The following CATSPERB variants were observed in gnomAD, a reference collection of about 807,000 sequenced individuals.
The protein encoded by CATSPERB is catsper channel auxiliary subunit beta.
A neutral mutation model predicts 128.3 loss-of-function variants in CATSPERB; 93 were observed. The ratio of observed to expected loss-of-function variants is 0.72; its 90% CI spans 0.61 to 0.86. The LOEUF (loss-of-function observed/expected upper bound fraction) is 0.86. Ranked by LOEUF, CATSPERB falls within the 40% of genes least tolerant of loss-of-function variation. The pLI is 0.00. For synonymous variants in CATSPERB, 381 were observed against 448.8 expected, an observed-to-expected ratio of 0.85 and a Z score of 1.91; for missense variants, 1,153 against 1,329.5, an observed-to-expected ratio of 0.87 and a Z score of 2.06.
intron 14 of CATSPERB, among the ~76,000 whole-genome samples, chr14:91,668,723 C>T (rs1895032891): frequency 6.6e-6 from 1 of 151,584 alleles, no homozygotes; most frequent in African/African-American, 2.4e-5. Context: ...CCGGGAGGAA[C>T]AAACAACTCT....
chr14:91,699,317 A>G (rs1256784029), intron 7 of CATSPERB, among the ~76,000 whole-genome samples: 1 of 152,148 alleles, frequency 6.6e-6, no homozygotes, highest in Non-Finnish European at 1.5e-5. Flanking sequence ...TTACATTCCA[A>G]CCAGCAGTGT....
In CATSPERB at chr14:91,587,267, G is replaced by A. The variant is rs1479052104; in HGVS notation, c.3067C>T (p.Leu1023Phe). 6.2e-7 allele frequency: 1 copy of A among 1,604,706 alleles called. No homozygotes were observed. Among genetic ancestry groups the A allele is most frequent in the Non-Finnish European group, 8.5e-7 (1 of 1,176,658 alleles). Reference protein sequence around the residue: ...GLNLSIKGSELFHFRVTVISG... With the variant: ...GLNLSIKGSEFFHFRVTVISG... The stretch of plus-strand genomic sequence containing the variant: ...ATGACGGTCACTCTAAAGTGGAAAA[G>A]TTCAGAGCCCTGTGGAAAAAAGCAC... Residue 1023 changes from leucine (L) to phenylalanine (F), a missense_variant, in exon 26 of 27, where the codon CTT (leucine) becomes TTT (phenylalanine). Leu to Phe is a conservative substitution (Grantham distance 22, BLOSUM62 0). Transcript: ENST00000256343.
chr14:91,586,220 C>G (rs911767187), intron 26 of CATSPERB, among the ~76,000 whole-genome samples: 1 of 152,184 alleles, frequency 6.6e-6, no homozygotes, highest in Non-Finnish European at 1.5e-5. Flanking sequence ...GATGTCCCCC[C>G]ATGCTTTCCA....
chr14:91,723,424 T>C (rs1241361278), intron 3 of CATSPERB, among the ~76,000 whole-genome samples: 2 of 152,158 alleles, frequency 1.3e-5, no homozygotes, highest in South Asian at 2.1e-4. Flanking sequence ...GTAGTAAACA[T>C]AGACTCAAAG....
chr14:91,695,166 G>A (rs1895541280), intron 7 of CATSPERB, among the ~76,000 whole-genome samples: 1 of 141,314 alleles, frequency 7.1e-6, no homozygotes, highest in African/African-American at 2.7e-5. Flanking sequence ...GTCTCACTCC[G>A]TCATCCAGGC....
chr14:91,606,726 T>C (rs545542570), intron 22 of CATSPERB, among the ~76,000 whole-genome samples: 1 of 152,354 alleles, frequency 6.6e-6, no homozygotes, highest in Admixed American at 6.5e-5. Context: ...CTACCATGCT[T>C]ATCTTGTGCA....
In CATSPERB at chr14:91,587,982, A is replaced by G; in HGVS notation, c.3053T>C (p.Ile1018Thr). 1 of 1,592,676 alleles carries G rather than the reference A, an allele frequency of 6.3e-7. No homozygotes were observed. Among genetic ancestry groups the G allele is most frequent in the Non-Finnish European group, 8.6e-7 (1 of 1,161,800 alleles). The change falls in exon 25 of 27, where the codon ATA (isoleucine) becomes ACA (threonine). Residue 1018 changes from isoleucine to threonine, a missense_variant. Ile to Thr is a moderately conservative substitution (Grantham distance 89, BLOSUM62 -1). Transcript: ENST00000256343. ...AAACAACAATGCCATCATTACCTTT[A>G]TGCTTAAGTTGAGACCTGAAGGATT... ...VYNPSGLNLS[I>T]KGSELFHFRV...
intron 22 of CATSPERB, 96 bp from the exon 23 acceptor site, chr14:91,592,098 G>T: frequency 1.2e-6 from 1 of 808,908 alleles, no homozygotes. Flanking sequence ...CCCTGAAGAA[G>T]TGGAATTCCT....
intron 19 of CATSPERB, among the ~76,000 whole-genome samples, chr14:91,620,580 G>C (rs1216849808): frequency 6.6e-6 from 1 of 151,878 alleles, no homozygotes; most frequent in African/African-American, 2.4e-5. Flanking sequence ...TATTTCGCTA[G>C]CATCTTTAAC....
intron 17 of CATSPERB, among the ~76,000 whole-genome samples, chr14:91,631,697 A>T (rs1438089796): frequency 1.3e-5 from 2 of 151,950 alleles, no homozygotes; most frequent in African/African-American, 2.4e-5. Flanking sequence ...ATAATAATAA[A>T]AAGGCCAAGA....
intron 18 of CATSPERB, among the ~76,000 whole-genome samples, chr14:91,624,071 A>C (rs1743140): frequency 0.91 from 139,032 of 152,134 alleles, 63,559 homozygotes; most frequent in East Asian, 0.97. Context: ...TCTTGGGCAG[A>C]GTGTGGTGGC....
At chr14:91,695,177 T>C (rs1895541486) in intron 7 of CATSPERB, among the ~76,000 whole-genome samples, 1 of 150,482 alleles carries the variant, frequency 6.6e-6, no homozygotes, top group South Asian at 2.1e-4. Context: ...TCATCCAGGC[T>C]GGGGTGCAGT....
At position 91,639,209 on chromosome 14, in the gene CATSPERB, T is replaced by C. The variant is rs748581363; in HGVS notation, c.1474A>G (p.Ile492Val). The change falls in exon 16 of 27, where the codon ATT (isoleucine) becomes GTT (valine). Residue 492 changes from isoleucine to valine, a missense_variant. Transcript: ENST00000256343. Reference sequence around the variant, plus strand: ...AAGTGATCATAGTATAATGTGAAAATTCTCTCAGTAACACTTCCGACTGCA... The same window carrying C: ...AAGTGATCATAGTATAATGTGAAAACTCTCTCAGTAACACTTCCGACTGCA... ...YSAVGSVTER[I>V]FTLYYDHLGF... 5.0e-6 allele frequency: 8 copies of C among 1,613,772 alleles called. No homozygotes were observed. Among genetic ancestry groups the C allele is most frequent in the Non-Finnish European group, 6.8e-6 (8 of 1,179,906 alleles).
At chr14:91,625,473 T>C (rs181838064) in intron 17 of CATSPERB, among the ~76,000 whole-genome samples, 533 of 152,180 alleles carry the variant, frequency 3.5e-3, no homozygotes, top group Non-Finnish European at 6.0e-3. Context: ...ATGAGAAATG[T>C]CAATAAAAAA....
intron 26 of CATSPERB, among the ~76,000 whole-genome samples, chr14:91,583,932 T>C (rs888828557): frequency 6.6e-6 from 1 of 152,154 alleles, no homozygotes; most frequent in Non-Finnish European, 1.5e-5. Flanking sequence ...TGGAGTGCAG[T>C]GGTTATTCAC....
Position 91,669,860 on chromosome 14 carries a change from A to T in CATSPERB, c.1241T>A (p.Met414Lys). Residue 414 changes from methionine to lysine, a missense_variant, in exon 14 of 27, where the codon ATG (methionine) becomes AAG (lysine). Coordinates refer to ENST00000256343, the MANE Select transcript of CATSPERB (RefSeq NM_024764.4). ...AAAGTGGCTTCGGGGATGAAATACC[A>T]TTCCAACGGGAGAAGAGAATGATGA... ...FPSSFSSPVG[M>K]VFHPRSHFLY... The T allele has an allele frequency of 6.2e-7, 1 of 1,613,846 alleles. No individual in the cohort carries two copies. The highest frequency in any genetic ancestry group is 1.3e-5 in the African/African-American group (1 of 75,040).
intron 7 of CATSPERB, among the ~76,000 whole-genome samples, chr14:91,700,163 A>C (rs1251716451): frequency 6.6e-6 from 1 of 152,028 alleles, no homozygotes; most frequent in Admixed American, 6.6e-5. Context: ...ACTTCCATTT[A>C]TGAGTGAGAA....
At chr14:91,586,571 A>ATAGAGAGAGAGAGAGAGAGAGAGAGAGAG in intron 26 of CATSPERB, among the ~76,000 whole-genome samples, 1 of 114,244 alleles carries the variant, frequency 8.8e-6, no homozygotes, top group African/African-American at 3.6e-5. Flanking sequence ...GAGAGAGAGA[A>ATAGAGAGAGAGAGAGAGAGAGAGAGAGAG]AGAGAGAGAG....
chr14:91,616,733 CTT>C (rs1555360386), intron 20 of CATSPERB, among the ~76,000 whole-genome samples: 125 of 84,466 alleles, frequency 1.5e-3, no homozygotes, highest in African/African-American at 5.6e-3. Context: ...AAGTATTCCC[CTT>C]TTTTTTTTTT....
Sources: allele counts gnomAD v4.1 joint callset (sites outside exome capture counted in the v4.1 genomes callset), GRCh38; gene constraint gnomAD v4.1.1; transcripts MANE v1.5; gene names NCBI Gene and HGNC (gene_info 2026-07-23, HGNC 2026-07-21).